The following BDP1 variants were observed in gnomAD, a reference collection of about 807,000 sequenced individuals.
BDP1 encodes the protein BDP1 general transcription factor IIIB subunit.
Under a neutral mutation model 266.6 loss-of-function variants are expected in BDP1, and 169 were observed. The ratio of observed to expected loss-of-function variants is 0.63; its 90% CI spans 0.56 to 0.72. BDP1 has a LOEUF of 0.72. BDP1 is among the 30% of genes least tolerant of loss of function. BDP1 has a pLI of 0.00. For missense variants in BDP1, 3,015 were observed against 3,053.8 expected, an observed-to-expected ratio of 0.99 and a Z score of 0.30; for synonymous variants, 1,090 against 1,022.4, an observed-to-expected ratio of 1.07 and a Z score of -1.26.
At chr5:71,481,433 A>G (rs1392561015) in intron 7 of BDP1, among the ~76,000 whole-genome samples, 1 of 146,406 alleles carries the variant, frequency 6.8e-6, no homozygotes, top group Non-Finnish European at 1.5e-5. Flanking sequence ...TTGGTGGCAC[A>G]CGTCCCCTAG....
At chr5:71,487,047 A>G (rs777920878) in intron 9 of BDP1, among the ~76,000 whole-genome samples, 2 of 152,196 alleles carry the variant, frequency 1.3e-5, no homozygotes, top group African/African-American at 2.4e-5. Context: ...CTGAAGGCTA[A>G]TGTTGAGTTG....
At chr5:71,495,509 C>A in intron 12 of BDP1, 101 bp downstream of exon 12, 7 of 670,042 alleles carry the variant, frequency 1.0e-5, no homozygotes, top group Non-Finnish European at 1.6e-5. Context: ...ATTATTAATA[C>A]ATACTTTATT....
chr5:71,551,289 T>C (rs906498675), intron 34 of BDP1, among the ~76,000 whole-genome samples: 3 of 152,166 alleles, frequency 2.0e-5, no homozygotes, highest in African/African-American at 7.2e-5. Flanking sequence ...CCCTGGGTAC[T>C]TGAGATTAGG....
At chr5:71,522,027 A>C (rs368169719) in intron 22 of BDP1, among the ~76,000 whole-genome samples, 50 of 152,278 alleles carry the variant, frequency 3.3e-4, no homozygotes, top group African/African-American at 1.2e-3. Flanking sequence ...TAATAGAATG[A>C]ATAAATGAAA....
At chr5:71,456,285 A>G (rs1761182880) in intron 1 of BDP1, among the ~76,000 whole-genome samples, 196 bp downstream of exon 1, 1 of 152,140 alleles carries the variant, frequency 6.6e-6, no homozygotes, top group African/African-American at 2.4e-5. Context: ...GGATTTTGTC[A>G]CGGTCTATAG....
intron 3 of BDP1, 32 bp downstream of exon 3, chr5:71,461,958 C>CTTTTTTTT (rs370261571): frequency 4.5e-5 from 20 of 444,106 alleles, no homozygotes; most frequent in African/African-American, 5.4e-5. Flanking sequence ...TTTACTATCT[C>CTTTTTTTT]TTTTTTTTTT....
Position 71,539,669 on chromosome 5 carries a change from C to T in BDP1, c.6022+20C>T. 1 of 1,529,292 alleles carries T rather than the reference C, an allele frequency of 6.5e-7. No individual in the cohort carries two copies. 94.7% of individuals were successfully genotyped at this position (1,529,292 alleles called of 1,614,324 possible). A position where few individuals can be genotyped will look rare whatever the true frequency, so the allele number is the denominator to read the frequency against. On this transcript the variant is annotated intron_variant, in intron 28 of 38. Coordinates refer to ENST00000358731, the MANE Select transcript of BDP1 (RefSeq NM_018429.3). ...GTGATGGTAAGAATGAAAGCTAAGTCCTATCAAAAATAGAAACTTTTAAAA... is the reference window on the plus strand; with the variant it reads ...GTGATGGTAAGAATGAAAGCTAAGTTCTATCAAAAATAGAAACTTTTAAAA...
chr5:71,464,630 C>T (rs1761782437), intron 4 of BDP1, among the ~76,000 whole-genome samples: 1 of 151,650 alleles, frequency 6.6e-6, no homozygotes, highest in Admixed American at 6.6e-5. Flanking sequence ...CAGCCTTGAC[C>T]TCCTGGGCTC....
chr5:71,560,925 T>G (rs796470901), intron 37 of BDP1, among the ~76,000 whole-genome samples: 1 of 152,334 alleles, frequency 6.6e-6, no homozygotes, highest in East Asian at 1.9e-4. Context: ...CTCAGTGGTA[T>G]CTCTTCTGGC....
intron 24 of BDP1, among the ~76,000 whole-genome samples, chr5:71,523,434 C>T (rs1324503259): frequency 6.6e-6 from 1 of 152,152 alleles, no homozygotes; most frequent in Non-Finnish European, 1.5e-5. Context: ...CTGCCTCATC[C>T]TCCCGAGTAG....
chr5:71,509,483 G>A lies in BDP1; in HGVS notation c.2391G>A (p.Lys797=). Residue 797 remains lysine, a synonymous_variant, in exon 17 of 39, where the codon AAG becomes AAA. Transcript: ENST00000358731. ...NECLSVQENN[K]ANKLNQVPIL... Reference sequence around the variant, plus strand: ...TTTATAGCGTTCAAGAGAATAATAAGGCAAATAAACTTAACCAAGTCCCAA... The same window carrying A: ...TTTATAGCGTTCAAGAGAATAATAAAGCAAATAAACTTAACCAAGTCCCAA... The A allele has an allele frequency of 1.3e-6, 2 of 1,581,566 alleles. No homozygotes were observed. The highest frequency in any genetic ancestry group is 1.7e-6 in the Non-Finnish European group (2 of 1,170,596).
In BDP1 at chr5:71,504,665, G is replaced by A; in HGVS notation, c.2286G>A (p.Glu762=). The change falls in exon 16 of 39, where the codon GAG becomes GAA. Residue 762 remains glutamate (E), a synonymous_variant. Coordinates refer to ENST00000358731, the MANE Select transcript of BDP1 (RefSeq NM_018429.3). ...ATCAATCGCGTAAAGATTTTGAAGA[G>A]GAAGATGTCATATTACAGCCTGAGA... The part of the protein sequence containing the change: ...MEDQSRKDFE[E]EDVILQPEKN... 1.2e-6 allele frequency: 2 copies of A among 1,613,626 alleles called. No individual in the cohort carries two copies. Among genetic ancestry groups the A allele is most frequent in the African/African-American group, 1.3e-5 (1 of 75,032 alleles).
chr5:71,544,904 A>AT, intron 31 of BDP1, 135 bp from the exon 32 acceptor site: 4 of 442,330 alleles, frequency 9.0e-6, no homozygotes, highest in Non-Finnish European at 1.1e-5. Context: ...AAAAAAAAAA[A>AT]AAGTCCTATT....
In BDP1 at chr5:71,487,960, G is replaced by T. The variant is rs573216357; in HGVS notation, c.1213+1333G>T. Among the ~76,000 whole-genome samples, 4 of 152,292 alleles carry T rather than the reference G, an allele frequency of 2.6e-5. No homozygotes were observed. The South Asian group carries it at 8.3e-4, about 32-fold the overall frequency. ...CTCTTTACTGTTCAAAGCTAGGCTA[G>T]AATTTCTTCTTCTGGGGCATATCTT... On this transcript the variant is annotated intron_variant, in intron 9 of 38. Transcript: ENST00000358731.
chr5:71,534,496 G>GTT (rs35048742), intron 26 of BDP1, among the ~76,000 whole-genome samples: 11 of 149,816 alleles, frequency 7.3e-5, no homozygotes, highest in Middle Eastern at 3.2e-3. Flanking sequence ...TTTGTAGTAA[G>GTT]TTTTTTTTTT....
intron 17 of BDP1, chr5:71,511,444 C>T (rs1764915303): frequency 3.5e-6 from 1 of 281,940 alleles, no homozygotes; most frequent in South Asian, 1.6e-4. Context: ...ATAGAGAGAC[C>T]TTGTCTCTAC....
At chr5:71,552,935 G>A (rs541789657) in intron 34 of BDP1, among the ~76,000 whole-genome samples, 181 bp from the exon 35 acceptor site, 3 of 152,204 alleles carry the variant, frequency 2.0e-5, no homozygotes, top group South Asian at 4.1e-4. Flanking sequence ...ACTATTAATA[G>A]CATTTTTGGG....
At chr5:71,487,522 C>T (rs1034185268) in intron 9 of BDP1, among the ~76,000 whole-genome samples, 1 of 152,166 alleles carries the variant, frequency 6.6e-6, no homozygotes, top group South Asian at 2.1e-4. Context: ...GGATTACAGG[C>T]GTGAGCCACC....
intron 20 of BDP1, 95 bp from the exon 21 acceptor site, chr5:71,515,964 AGT>A (rs1416439515): frequency 2.7e-6 from 2 of 741,122 alleles, no homozygotes; most frequent in African/African-American, 3.6e-5. Flanking sequence ...TATTTTTTAG[AGT>A]GTTTATTAGA....
Sources: allele counts gnomAD v4.1 joint callset (sites outside exome capture counted in the v4.1 genomes callset), GRCh38; gene constraint gnomAD v4.1.1; transcripts MANE v1.5; gene names NCBI Gene and HGNC (gene_info 2026-07-23, HGNC 2026-07-21).